Variants in GDA observed in about 807,000 individuals in gnomAD.
GDA encodes the protein guanine deaminase.
A neutral mutation model predicts 59.6 loss-of-function variants in GDA; 18 were observed. That is an observed-to-expected ratio of 0.30 (90% CI 0.21 to 0.45). The LOEUF (loss-of-function observed/expected upper bound fraction) is 0.45. Among genes scored for constraint, GDA ranks in the 20% least tolerant of loss-of-function variants. The pLI, the probability that GDA is intolerant of heterozygous loss-of-function variation, is 1.00. For missense variants in GDA, 427 were observed against 552.3 expected (o/e 0.77, Z 2.27); for synonymous variants, 201 against 201.1 (o/e 1.00, Z 0.00).
At position 72,186,795 on chromosome 9, in the gene GDA, C is replaced by T. The variant is rs577163709; in HGVS notation, c.124-8705C>T. Among the ~76,000 whole-genome samples the T allele has an allele frequency of 2.6e-5, 4 of 152,308 alleles. No homozygotes were observed. In the East Asian group the frequency reaches 7.7e-4, roughly 29 times the overall value. On this transcript the variant is annotated intron_variant, in intron 1 of 13. Coordinates refer to ENST00000358399, the MANE Select transcript of GDA (RefSeq NM_004293.5). The stretch of plus-strand genomic sequence containing the variant: ...GTTACCCCTTCCATCCCTTTTCCCA[C>T]AACCCTGGATACTTACCAAGTACCA...
intron 1 of GDA, among the ~76,000 whole-genome samples, chr9:72,165,799 G>A (rs1441240541): frequency 6.6e-6 from 1 of 151,522 alleles, no homozygotes; most frequent in Non-Finnish European, 1.5e-5. Flanking sequence ...TTGGGAGGCT[G>A]AGGGGGGAGA....
chr9:72,154,014 T>C (rs1401501219), intron 1 of GDA, among the ~76,000 whole-genome samples: 2 of 152,184 alleles, frequency 1.3e-5, no homozygotes, highest in African/African-American at 4.8e-5. Context: ...AAATATTTAA[T>C]CTTGAGGTAA....
chr9:72,139,989 A>G (rs1826383578), intron 1 of GDA, among the ~76,000 whole-genome samples: 1 of 152,160 alleles, frequency 6.6e-6, no homozygotes, highest in South Asian at 2.1e-4. Context: ...TTTGCTGCCC[A>G]GCACCCATTC....
chr9:72,180,117 G>T (rs12347850), intron 1 of GDA, among the ~76,000 whole-genome samples: 27,737 of 152,000 alleles, frequency 0.18, 2,859 homozygotes, highest in African/African-American at 0.29. Flanking sequence ...CCAGCACTTT[G>T]GGAGGCCAAG....
intron 1 of GDA, chr9:72,194,269 A>T (rs1188067819): frequency 6.6e-6 from 1 of 152,210 alleles, no homozygotes; most frequent in Non-Finnish European, 1.5e-5. Flanking sequence ...CCCTCAACAT[A>T]GTACCTGGTA....
intron 10 of GDA, among the ~76,000 whole-genome samples, chr9:72,235,928 T>G (rs540919512): frequency 6.6e-6 from 1 of 152,126 alleles, no homozygotes; most frequent in Non-Finnish European, 1.5e-5. Flanking sequence ...ACCTATAAAC[T>G]CATTAAAACA....
intron 1 of GDA, among the ~76,000 whole-genome samples, chr9:72,116,622 T>A (rs1212632477): frequency 6.6e-6 from 1 of 152,074 alleles, no homozygotes; most frequent in Non-Finnish European, 1.5e-5. Context: ...CTTGACCTCG[T>A]GATCCACCTG....
At chr9:72,190,612 A>G (rs1285731354) in intron 1 of GDA, among the ~76,000 whole-genome samples, 1 of 152,210 alleles carries the variant, frequency 6.6e-6, no homozygotes, top group Non-Finnish European at 1.5e-5. Context: ...ATTTTAGACT[A>G]CGGTGCTCCT....
intron 1 of GDA, among the ~76,000 whole-genome samples, chr9:72,124,794 G>A (rs896939855): frequency 6.6e-6 from 1 of 152,072 alleles, no homozygotes; most frequent in Admixed American, 6.6e-5. Context: ...ATTTTTAGTA[G>A]AGATGGGGTT....
At chr9:72,173,611 G>T (rs73484251) in intron 1 of GDA, among the ~76,000 whole-genome samples, 191 of 151,918 alleles carry the variant, frequency 1.3e-3, no homozygotes, top group African/African-American at 4.4e-3. Flanking sequence ...GATTACAGAC[G>T]TGAGCCACCA....
Position 72,163,034 on chromosome 9 carries a change from G to T in GDA, c.123+13352G>T, listed in dbSNP as rs146905318. Reference sequence around the variant, plus strand: ...AGCAGAATGGAGCAGAGCAAGACTTGCTGGAAGAGATGAGTTAGAAAATGA... The same window carrying T: ...AGCAGAATGGAGCAGAGCAAGACTTTCTGGAAGAGATGAGTTAGAAAATGA... On this transcript the variant is annotated intron_variant, in intron 1 of 13. Transcript: ENST00000358399. 5.9e-5 allele frequency among the ~76,000 whole-genome samples: 9 copies of T among 152,332 alleles called. No individual in the cohort carries two copies. In the East Asian group the frequency reaches 1.5e-3, roughly 26 times the overall value.
At chr9:72,183,392 C>T (rs1256342778) in intron 1 of GDA, among the ~76,000 whole-genome samples, 5 of 152,114 alleles carry the variant, frequency 3.3e-5, no homozygotes, top group African/African-American at 7.2e-5. Context: ...CTTGACTGCT[C>T]CCTTAGCCCC....
intron 12 of GDA, among the ~76,000 whole-genome samples, chr9:72,247,075 G>T (rs1564203760): frequency 1.3e-5 from 2 of 152,110 alleles, no homozygotes; most frequent in Non-Finnish European, 2.9e-5. Context: ...GGATGAGCTT[G>T]TCTTACATCA....
chr9:72,219,447 A>C (rs755118878), intron 5 of GDA, 32 bp from the exon 6 acceptor site: 2 of 1,502,604 alleles, frequency 1.3e-6, no homozygotes, highest in Non-Finnish European at 9.2e-7. Flanking sequence ...AAAATGCTCA[A>C]GTTTTCTAAC....
At chr9:72,117,299 G>A (rs1443269441) in intron 1 of GDA, among the ~76,000 whole-genome samples, 1 of 151,792 alleles carries the variant, frequency 6.6e-6, no homozygotes, top group Non-Finnish European at 1.5e-5. Context: ...AGAATATTAA[G>A]GTTTTAAAAA....
intron 3 of GDA, among the ~76,000 whole-genome samples, chr9:72,205,924 A>G (rs1366275585): frequency 1.3e-5 from 2 of 152,200 alleles, no homozygotes; most frequent in Non-Finnish European, 2.9e-5. Context: ...GGGGCTTACT[A>G]TCAGTGTTTG....
At chr9:72,153,651 TA>T (rs1348783010) in intron 1 of GDA, among the ~76,000 whole-genome samples, 10 of 151,174 alleles carry the variant, frequency 6.6e-5, no homozygotes, top group Non-Finnish European at 1.0e-4. Flanking sequence ...TATGCAGCCA[TA>T]AAAAATGATG....
chr9:72,244,016 A>C (rs1217775810), intron 11 of GDA, among the ~76,000 whole-genome samples: 1 of 152,044 alleles, frequency 6.6e-6, no homozygotes, highest in Non-Finnish European at 1.5e-5. Context: ...TCTACTAAAA[A>C]TACACAAAAA....
At chr9:72,205,639 C>T (rs941501131) in intron 3 of GDA, among the ~76,000 whole-genome samples, 1 of 152,166 alleles carries the variant, frequency 6.6e-6, no homozygotes, top group African/African-American at 2.4e-5. Flanking sequence ...CAAACTTGTT[C>T]TAATCACTTG....
Sources: allele counts gnomAD v4.1 joint callset (sites outside exome capture counted in the v4.1 genomes callset), GRCh38; gene constraint gnomAD v4.1.1; transcripts MANE v1.5; gene names NCBI Gene and HGNC (gene_info 2026-07-23, HGNC 2026-07-21).